The following GRIN1 variants were observed in gnomAD, a reference collection of about 807,000 sequenced individuals.
GRIN1 encodes the protein glutamate receptor ionotropic, NMDA 1.
Under a neutral mutation model 103.0 loss-of-function variants are expected in GRIN1, and 38 were observed. The observed-to-expected ratio is 0.37, with a 90% confidence interval of 0.28 to 0.48. The LOEUF (loss-of-function observed/expected upper bound fraction) is 0.48, where lower values mean the gene tolerates loss of function less well. GRIN1 is among the 20% of genes least tolerant of loss of function. The pLI, the probability that GRIN1 is intolerant of heterozygous loss-of-function variation, is 0.98. For missense variants in GRIN1, 577 were observed against 1,288.9 expected (o/e 0.45, Z 8.46); for synonymous variants, 544 against 532.7 (o/e 1.02, Z -0.29).
chr9:137,161,860 G>A, intron 10 of GRIN1, 64 bp from the exon 11 acceptor site: 1 of 1,520,554 alleles, frequency 6.6e-7, no homozygotes, highest in Non-Finnish European at 8.9e-7. Flanking sequence ...CTTCAGTCGG[G>A]GGTACCTGTG....
rs145578369 is a variant in GRIN1, at chr9:137,146,452, T to C, written c.570+550T>C. On this transcript the variant is annotated intron_variant, in intron 3 of 19. Coordinates refer to ENST00000371561, the MANE Select transcript of GRIN1 (RefSeq NM_007327.4). This position sits in a 1 kb window ranked among gnomAD's most constrained non-coding sequence, Gnocchi z 6.7. ...CCTGCCCCCCAGCCTGGACCGCCCC[T>C]GTGGGCTCCACTCCCCTCCTTGCCC... Among the ~76,000 whole-genome samples, 1,518 of 151,738 alleles carry C rather than the reference T, an allele frequency of 0.01. 21 individuals carry two copies. Among genetic ancestry groups the C allele is most frequent in the African/African-American group, 0.035 (1,444 of 41,308 alleles).
At chr9:137,164,140 TC>T (rs1833728485) in intron 18 of GRIN1, 1 of 571,240 alleles carries the variant, frequency 1.8e-6, no homozygotes, top group Non-Finnish European at 3.1e-6. Context: ...CGCACCCTGC[TC>T]CAAGCCTCCG....
intron 2 of GRIN1, among the ~76,000 whole-genome samples, 181 bp from the exon 3 acceptor site, chr9:137,145,545 A>G (rs62585940): frequency 0.022 from 93 of 4,166 alleles, 2 homozygotes; most frequent in South Asian, 0.037. Context: ...CCAGGGTGGT[A>G]GGGACGGGGT....
At position 137,145,759 on chromosome 9, in the gene GRIN1, C is replaced by T; in HGVS notation, c.427C>T (p.Pro143Ser). Residue 143 changes from proline to serine, a missense_variant, in exon 3 of 20, where the codon CCC (proline) becomes TCC (serine). Coordinates refer to ENST00000371561, the MANE Select transcript of GRIN1 (RefSeq NM_007327.4). The part of the protein sequence containing the change: ...IHLSFLRTVP[P>S]YSHQSSVWFE... ...CCTGAGCTTCCTGCGCACCGTGCCG[C>T]CCTACTCCCACCAGTCCAGCGTGTG... 1 of 1,613,526 alleles carries T rather than the reference C, an allele frequency of 6.2e-7. No individual in the cohort carries two copies. Among genetic ancestry groups the T allele is most frequent in the Non-Finnish European group, 8.5e-7 (1 of 1,179,670 alleles).
In GRIN1 at chr9:137,142,081, C is replaced by T; in HGVS notation, c.327C>T (p.Tyr109=). ...NDHFTPTPVS[Y]TAGFYRIPVL... ...ACTTCACTCCCACCCCTGTCTCCTA[C>T]ACAGCCGGCTTCTACCGCATACCCG... The change falls in exon 2 of 20, where the codon TAC becomes TAT. Residue 109 remains tyrosine (Y), a synonymous_variant. Coordinates refer to ENST00000371561, the MANE Select transcript of GRIN1 (RefSeq NM_007327.4). The T allele has an allele frequency of 6.2e-7, 1 of 1,614,186 alleles. No individual in the cohort carries two copies. Among genetic ancestry groups the T allele is most frequent in the Non-Finnish European group, 8.5e-7 (1 of 1,179,970 alleles).
chr9:137,154,432 CTTTTTTTTTTTTTT>C lies in GRIN1; in HGVS notation c.672-2211_672-2198del, dbSNP rs543160973. 4.3e-3 allele frequency among the ~76,000 whole-genome samples: 187 copies of C among 43,008 alleles called. 2 individuals carry two copies. The highest frequency in any genetic ancestry group is 0.02 in the Middle Eastern group (1 of 50). 28.2% of individuals were successfully genotyped at this position (43,008 alleles called of 152,430 possible). ...CAGCCACCACCCCCAGCTCCAACAA[CTTTTTTTTTTTTTT>C]TTTTTTTTTTTTTTTTTTTTTTTTT... On this transcript the variant is annotated intron_variant, in intron 4 of 19. Transcript: ENST00000371561.
At chr9:137,148,269 G>A (rs2131228935) in intron 3 of GRIN1, 3 of 1,253,932 alleles carry the variant, frequency 2.4e-6, no homozygotes, top group Non-Finnish European at 2.2e-6. Flanking sequence ...TGGCCTCGGC[G>A]CCTCGGCCAC....
chr9:137,167,061 C>A (rs1317688255), intron 19 of GRIN1, among the ~76,000 whole-genome samples: 1 of 152,204 alleles, frequency 6.6e-6, no homozygotes, highest in Non-Finnish European at 1.5e-5. Context: ...GGAACCCTCA[C>A]CCGAGCCTCT....
intron 4 of GRIN1, among the ~76,000 whole-genome samples, chr9:137,156,339 A>C (rs115011370): frequency 1.3e-5 from 2 of 151,810 alleles, no homozygotes; most frequent in African/African-American, 4.8e-5. Flanking sequence ...ATCTAACCCC[A>C]TCCCTGCTCC....
chr9:137,152,990 T>C (rs912081626), intron 4 of GRIN1, among the ~76,000 whole-genome samples: 2 of 150,852 alleles, frequency 1.3e-5, no homozygotes, highest in Non-Finnish European at 3.0e-5. Context: ...ACACACACCA[T>C]CACACCACTC....
At chr9:137,163,045 G>A in intron 15 of GRIN1, 42 bp downstream of exon 15, 2 of 1,558,008 alleles carry the variant, frequency 1.3e-6, no homozygotes, top group Admixed American at 1.9e-5. Flanking sequence ...GGACAGGTGC[G>A]GGGAGGGGGA....
Position 137,161,251 on chromosome 9 carries a change from G to A in GRIN1, c.1340-38G>A, listed in dbSNP as rs41290007. ...CGGGGCAGGGCGCGGGGCGTGGGGC[G>A]GTCTGGAGCCCAGCAGTTACCGCCC... On this transcript the variant is annotated intron_variant, in intron 9 of 19. Coordinates refer to ENST00000371561, the MANE Select transcript of GRIN1 (RefSeq NM_007327.4). 475,173 of 1,610,300 alleles carry A rather than the reference G, an allele frequency of 0.3. 75,938 individuals are homozygous for A. The highest frequency in any genetic ancestry group is 0.33 in the Non-Finnish European group (384,461 of 1,178,676).
At position 137,154,612 on chromosome 9, in the gene GRIN1, C is replaced by T. The variant is rs560228895; in HGVS notation, c.672-2057C>T. Among the ~76,000 whole-genome samples the T allele has an allele frequency of 3.1e-4, 47 of 151,754 alleles. No homozygotes were observed. The Middle Eastern group carries it at 0.01, about 33-fold the overall frequency. On this transcript the variant is annotated intron_variant, in intron 4 of 19. Coordinates refer to ENST00000371561, the MANE Select transcript of GRIN1 (RefSeq NM_007327.4). The stretch of plus-strand genomic sequence containing the variant: ...GGGATTACAGGCATGCGCCACCACC[C>T]CGGCTAATTTTTTTGTTTTTGTAGA...
chr9:137,168,236 C>A lies in GRIN1; in HGVS notation c.*709C>A, dbSNP rs1391714429. 3.3e-6 allele frequency: 1 copy of A among 298,660 alleles called. No individual in the cohort carries two copies. The highest frequency in any genetic ancestry group is 6.3e-6 in the Non-Finnish European group (1 of 158,550). The allele number at this position is 298,660 out of a possible 1,614,324, so 18.5% of individuals were successfully genotyped here. On this transcript the variant is annotated 3_prime_UTR_variant, in exon 20 of 20. Transcript: ENST00000371561. Reference sequence around the variant, plus strand: ...ATGGCCCCAGCTGGCTGGGTCGCCCCTCCTCGGGCGCCTGCGCTCCTCTGC... The same window carrying A: ...ATGGCCCCAGCTGGCTGGGTCGCCCATCCTCGGGCGCCTGCGCTCCTCTGC...
chr9:137,163,307 G>C lies in GRIN1; in HGVS notation c.2310G>C (p.Gln770His). The change falls in exon 16 of 20, where the codon CAG becomes CAC. Residue 770 changes from glutamine to histidine, a missense_variant. Physicochemically the swap from Gln to His is conservative, Grantham distance 24 (BLOSUM62 0). Coordinates refer to ENST00000371561, the MANE Select transcript of GRIN1 (RefSeq NM_007327.4). ...IGMRKDSPWKQNVSLSILKSH... is the reference protein window; with the variant it reads ...IGMRKDSPWKHNVSLSILKSH... ...TGCGCAAAGACAGCCCCTGGAAGCAGAACGTCTCCCTGTCCATCCTCAAGT... is the reference window on the plus strand; with the variant it reads ...TGCGCAAAGACAGCCCCTGGAAGCACAACGTCTCCCTGTCCATCCTCAAGT... 6.2e-7 allele frequency: 1 copy of C among 1,613,716 alleles called. No individual in the cohort carries two copies.
Position 137,153,166 on chromosome 9 carries a change from T to G in GRIN1, c.672-3503T>G, listed in dbSNP as rs1303463369. Reference sequence around the variant, plus strand: ...ACACCATAGTCACACCACTCATAGATCTCTACCCACACATGCACCATCATG... The same window carrying G: ...ACACCATAGTCACACCACTCATAGAGCTCTACCCACACATGCACCATCATG... On this transcript the variant is annotated intron_variant, in intron 4 of 19. Transcript: ENST00000371561. Among the ~76,000 whole-genome samples the G allele has an allele frequency of 6.0e-5, 9 of 149,798 alleles. No homozygotes were observed. The East Asian group carries it at 1.8e-3, about 30-fold the overall frequency.
rs1588721709 is a variant in GRIN1, at chr9:137,158,711, G to A, written c.1197+7G>A. On this transcript the variant is annotated splice_region_variant and intron_variant, in intron 8 of 19. Transcript: ENST00000371561. Reference sequence around the variant, plus strand: ...GATGTCCACCAGACTGAAGGTGGGGGCCCCACAGACCTCCCTCAGTGTCCC... The same window carrying A: ...GATGTCCACCAGACTGAAGGTGGGGACCCCACAGACCTCCCTCAGTGTCCC... 1.2e-6 allele frequency: 2 copies of A among 1,606,844 alleles called. No individual in the cohort carries two copies. The highest frequency in any genetic ancestry group is 1.7e-6 in the Non-Finnish European group (2 of 1,174,570).
chr9:137,156,141 T>C (rs1269582399), intron 4 of GRIN1, among the ~76,000 whole-genome samples: 1 of 152,212 alleles, frequency 6.6e-6, no homozygotes, highest in African/African-American at 2.4e-5. Flanking sequence ...CACAGAGATA[T>C]TGTGAAAGTT....
At position 137,154,432 on chromosome 9, in the gene GRIN1, CTTTTTTTTTTTTTTTTTTTTTT is replaced by C. The variant is rs543160973; in HGVS notation, c.672-2219_672-2198del. Among the ~76,000 whole-genome samples, 10 of 43,008 alleles carry C rather than the reference CTTTTTTTTTTTTTTTTTTTTTT, an allele frequency of 2.3e-4. 1 individual carries two copies. The highest frequency in any genetic ancestry group is 1.3e-3 in the South Asian group (1 of 794). 28.2% of individuals were successfully genotyped at this position (43,008 alleles called of 152,430 possible). A position where few individuals can be genotyped will look rare whatever the true frequency, so the allele number is the denominator to read the frequency against. ...CAGCCACCACCCCCAGCTCCAACAACTTTTTTTTTTTTTTTTTTTTTTTTTTTTTTTTTTTTTTTAAGATGGA... is the reference window on the plus strand; with the variant it reads ...CAGCCACCACCCCCAGCTCCAACAACTTTTTTTTTTTTTTTTTAAGATGGA... On this transcript the variant is annotated intron_variant, in intron 4 of 19. Transcript: ENST00000371561.
Sources: gnomAD v4.1 joint callset for allele counts (sites outside exome capture counted in the v4.1 genomes callset) on GRCh38, gnomAD v4.1.1 for gene constraint, Gnocchi (gnomAD v3.1) non-coding constraint, MANE v1.5 for transcripts, NCBI Gene and HGNC (gene_info 2026-07-23, HGNC 2026-07-21) for gene names.